Variants in CAPN15 observed in about 807,000 individuals in gnomAD.
CAPN15 encodes the protein calpain-15.
Under a neutral mutation model 97.9 loss-of-function variants are expected in CAPN15, and 53 were observed. The ratio of observed to expected loss-of-function variants is 0.54; its 90% CI spans 0.43 to 0.68. The LOEUF is 0.68. Among genes scored for constraint, CAPN15 ranks in the 30% least tolerant of loss-of-function variants. The probability of loss-of-function intolerance (pLI) is 0.00; values close to 1 mark genes in which losing one functional copy is unlikely to be tolerated. For synonymous variants in CAPN15, 922 were observed against 722.5 expected, an observed-to-expected ratio of 1.28 and a Z score of -4.43; for missense variants, 1,592 against 1,589.8, an observed-to-expected ratio of 1.00 and a Z score of -0.02.
intron 9 of CAPN15, 85 bp from the exon 10 acceptor site, chr16:551,966 C>T (rs1471492077): frequency 5.0e-6 from 7 of 1,409,406 alleles, no homozygotes; most frequent in Non-Finnish European, 6.8e-6. Context: ...CTGCTGGGGT[C>T]ACCGGCCTGT....
intron 3 of CAPN15, among the ~76,000 whole-genome samples, chr16:536,535 G>A (rs1011938906): frequency 1.3e-5 from 2 of 151,984 alleles, no homozygotes; most frequent in Non-Finnish European, 1.5e-5. Context: ...CCATTCTCCT[G>A]CCTCAGCCTC....
At chr16:544,492 G>A (rs1295027091) in intron 3 of CAPN15, among the ~76,000 whole-genome samples, 1 of 152,140 alleles carries the variant, frequency 6.6e-6, no homozygotes, top group Non-Finnish European at 1.5e-5. Flanking sequence ...CACGCTCCGG[G>A]TGCTGCTGTC....
chr16:552,535 G>A lies in CAPN15; in HGVS notation c.2737+5G>A, dbSNP rs1022407690. The A allele has an allele frequency of 6.3e-6, 10 of 1,594,170 alleles. No homozygotes were observed. The highest frequency in any genetic ancestry group is 8.5e-6 in the Non-Finnish European group (10 of 1,174,824). ...CGGGCACCCCTGCCCCCCAGGGTAC[G>A]TGGCCCCTACCCCAGGCTCATGCCC... On this transcript the variant is annotated splice_donor_5th_base_variant and intron_variant, in intron 11 of 13. Coordinates refer to ENST00000219611, the MANE Select transcript of CAPN15 (RefSeq NM_005632.3). The surrounding 1 kb of genome is among the most constrained non-coding windows in gnomAD (Gnocchi z 6.4).
At chr16:544,712 CCCACG>C in intron 3 of CAPN15, among the ~76,000 whole-genome samples, 1 of 126,282 alleles carries the variant, frequency 7.9e-6, no homozygotes, top group Non-Finnish European at 1.6e-5. Flanking sequence ...CGTCGCCTCC[CCCACG>C]TCGCCTCCCC....
rs536297403 is a variant in CAPN15, at chr16:533,616, G to T, written c.-189-330G>T. Among the ~76,000 whole-genome samples the T allele has an allele frequency of 4.6e-4, 70 of 152,298 alleles. No individual in the cohort carries two copies. The Middle Eastern group carries it at 0.01, about 22-fold the overall frequency. On this transcript the variant is annotated intron_variant, in intron 1 of 13. Transcript: ENST00000219611. ...CCCACGGCCTGCTCCTTGTAGCAGG[G>T]TCGGGCCGTGGGAGGTCCGGACAGG...
Position 546,842 on chromosome 16 carries a change from G to T in CAPN15, c.4G>T (p.Ala2Ser). Residue 2 changes from alanine (A) to serine (S), a missense_variant, in exon 4 of 14, where the codon GCC (alanine) becomes TCC (serine). By Grantham distance (99) the Ala-to-Ser change is moderately conservative (BLOSUM62 1). Around this residue, in one of 3 missense-constraint regions of CAPN15, gnomAD observed 883 missense variants for 776.6 expected, o/e 1.14. Coordinates refer to ENST00000219611, the MANE Select transcript of CAPN15 (RefSeq NM_005632.3). Reference sequence around the variant, plus strand: ...CCACACCCACTCGCCCGGGTCTATGGCCACGGTCGGAGAGTGGTCCTGTGT... The same window carrying T: ...CCACACCCACTCGCCCGGGTCTATGTCCACGGTCGGAGAGTGGTCCTGTGT... M[A>S]TVGEWSCVRC... 1 of 1,601,526 alleles carries T rather than the reference G, an allele frequency of 6.2e-7. No individual in the cohort carries two copies. Among genetic ancestry groups the T allele is most frequent in the Non-Finnish European group, 8.5e-7 (1 of 1,172,360 alleles).
rs914499544 is a variant in CAPN15 at position 553,328 on chromosome 16, C to G, written c.3084-11C>G. On this transcript the variant is annotated splice_polypyrimidine_tract_variant and intron_variant, in intron 13 of 13. Transcript: ENST00000219611. ...TGCCCTCCACAGGTCCTCACCGGTC[C>G]CCTCCCCCAGGCAGGTCCTGGTGAT... The G allele has an allele frequency of 1.9e-6, 3 of 1,595,038 alleles. No individual in the cohort carries two copies. Among genetic ancestry groups the G allele is most frequent in the Admixed American group, 3.4e-5 (2 of 59,182 alleles).
At position 547,854 on chromosome 16, in the gene CAPN15, C is replaced by T; in HGVS notation, c.1016C>T (p.Pro339Leu). Residue 339 changes from proline to leucine, a missense_variant, in exon 4 of 14, where the codon CCC becomes CTC. This residue lies in a region of CAPN15 where 883 missense variants were observed against 776.6 expected (regional missense o/e 1.14). Coordinates refer to ENST00000219611, the MANE Select transcript of CAPN15 (RefSeq NM_005632.3). ...TACACGCCCGCCAGCCCCTCCAGCC[C>T]CGACTTCACCACCTGGTCATGTGCC... The part of the protein sequence containing the change: ...VRYTPASPSS[P>L]DFTTWSCAKC... The T allele has an allele frequency of 6.2e-7, 1 of 1,611,530 alleles. No homozygotes were observed. The highest frequency in any genetic ancestry group is 8.5e-7 in the Non-Finnish European group (1 of 1,179,448).
chr16:532,239 C>CAA (rs1228158788), intron 1 of CAPN15, among the ~76,000 whole-genome samples: 4 of 83,502 alleles, frequency 4.8e-5, no homozygotes, highest in Non-Finnish European at 7.4e-5. Flanking sequence ...TACTCCGTCT[C>CAA]AAAAAAAAAA....
chr16:542,047 GA>G (rs1441609337), intron 3 of CAPN15, among the ~76,000 whole-genome samples: 2 of 151,788 alleles, frequency 1.3e-5, no homozygotes, highest in African/African-American at 4.8e-5. Context: ...GCCTTGTGCA[GA>G]AGGTGCGTGG....
rs879876467 is a variant in CAPN15, at chr16:554,500, C to T, written c.*984C>T. 2.2e-5 allele frequency: 10 copies of T among 455,616 alleles called. No individual in the cohort carries two copies. Among genetic ancestry groups the T allele is most frequent in the Non-Finnish European group, 4.0e-5 (9 of 226,752 alleles). 28.2% of individuals were successfully genotyped at this position (455,616 alleles called of 1,614,324 possible). A position where few individuals can be genotyped will look rare whatever the true frequency, so the allele number is the denominator to read the frequency against. ...TACTCTGAGCTGTGAATATTTTTAACCCTGTAAATACGGCCAGCTCTTGTG... is the reference window on the plus strand; with the variant it reads ...TACTCTGAGCTGTGAATATTTTTAATCCTGTAAATACGGCCAGCTCTTGTG... On this transcript the variant is annotated 3_prime_UTR_variant, in exon 14 of 14. Transcript: ENST00000219611.
In CAPN15 at chr16:547,558, G is replaced by A; in HGVS notation, c.720G>A (p.Gln240=). The A allele has an allele frequency of 1.9e-6, 3 of 1,594,356 alleles. No individual in the cohort carries two copies. The highest frequency in any genetic ancestry group is 2.6e-6 in the Non-Finnish European group (3 of 1,176,360). The change falls in exon 4 of 14, where the codon CAG becomes CAA. Residue 240 remains glutamine, a synonymous_variant. Coordinates refer to ENST00000219611, the MANE Select transcript of CAPN15 (RefSeq NM_005632.3). The part of the protein sequence containing the change: ...PPFSPFSSTL[Q]NNPVPRSRRE... ...TCAGCCCCTTCTCGTCCACCCTGCAGAACAACCCCGTGCCGCGCAGCCGAC... is the reference window on the plus strand; with the variant it reads ...TCAGCCCCTTCTCGTCCACCCTGCAAAACAACCCCGTGCCGCGCAGCCGAC...
chr16:528,005 G>A lies in CAPN15; in HGVS notation c.-214G>A, dbSNP rs1453469217. 2 of 144,116 alleles carry A rather than the reference G, an allele frequency of 1.4e-5. No homozygotes were observed. The highest frequency in any genetic ancestry group is 5.0e-5 in the African/African-American group (2 of 40,224). The allele number at this position is 144,116 out of a possible 1,614,324, so 8.9% of individuals were successfully genotyped here. The stretch of plus-strand genomic sequence containing the variant: ...GCCGCGCTGCCCGGGCCGCGAGGAC[G>A]AGGCGGCGCCGCCGGGCTGTGGAGG... On this transcript the variant is annotated 5_prime_UTR_variant, in exon 1 of 14. Coordinates refer to ENST00000219611, the MANE Select transcript of CAPN15 (RefSeq NM_005632.3).
At chr16:546,757 G>A in intron 3 of CAPN15, 60 bp from the exon 4 acceptor site, 3 of 1,496,624 alleles carry the variant, frequency 2.0e-6, no homozygotes, top group Non-Finnish European at 1.8e-6. Flanking sequence ...CCGAGAGGAG[G>A]GTGGGGTCCA....
At chr16:551,701 G>A (rs199830379) in intron 9 of CAPN15, 37 bp downstream of exon 9, 69 of 1,578,166 alleles carry the variant, frequency 4.4e-5, no homozygotes, top group Middle Eastern at 3.4e-4. Flanking sequence ...CGCCGCCCCC[G>A]CCCTCCTAGG....
Position 547,369 on chromosome 16 carries a change from C to G in CAPN15, c.531C>G (p.Ile177Met). 6.4e-7 allele frequency: 1 copy of G among 1,553,444 alleles called. No homozygotes were observed. The highest frequency in any genetic ancestry group is 1.4e-5 in the African/African-American group (1 of 73,716). The change falls in exon 4 of 14, where the codon ATC becomes ATG. Residue 177 changes from isoleucine to methionine, a missense_variant. By Grantham distance (10) the Ile-to-Met change is conservative (BLOSUM62 1). This residue lies in a region of CAPN15 where 883 missense variants were observed against 776.6 expected (regional missense o/e 1.14). Coordinates refer to ENST00000219611, the MANE Select transcript of CAPN15 (RefSeq NM_005632.3). ...CACGCAGGCTCTCGCTGCCACGGAT[C>G]CCTCCTGAGGCCCTGGTGGTCCCGG... ...GGPRRLSLPR[I>M]PPEALVVPEV...
chr16:551,171 T>G (rs878913305), intron 7 of CAPN15, 131 bp from the exon 8 acceptor site: 22 of 1,236,766 alleles, frequency 1.8e-5, no homozygotes, highest in African/African-American at 6.8e-5. Flanking sequence ...TCGGTGAGGG[T>G]CCCGGTCGGT....
At chr16:540,045 A>G (rs1017544702) in intron 3 of CAPN15, 24 of 978,244 alleles carry the variant, frequency 2.5e-5, no homozygotes, top group Non-Finnish European at 2.4e-6. Flanking sequence ...TTTCTTCTCT[A>G]TTTTCTCTCT....
At chr16:550,979 TG>T (rs2035000268) in intron 7 of CAPN15, among the ~76,000 whole-genome samples, 1 of 21,626 alleles carries the variant, frequency 4.6e-5, no homozygotes, top group African/African-American at 2.8e-4. Context: ...GAGGGTCCCC[TG>T]TTGGTGAGGG....
Sources: allele counts gnomAD v4.1 joint callset (sites outside exome capture counted in the v4.1 genomes callset), GRCh38; gene constraint gnomAD v4.1.1; regional missense constraint gnomAD v4.1.1; non-coding constraint Gnocchi (gnomAD v3.1); transcripts MANE v1.5; gene names NCBI Gene and HGNC (gene_info 2026-07-23, HGNC 2026-07-21).